Variants in AFAP1 observed in about 807,000 individuals in gnomAD.
AFAP1 encodes actin filament associated protein 1.
AFAP1 carries 75 observed loss-of-function variants against 93.9 expected under a neutral mutation model. That is an observed-to-expected ratio of 0.80 (90% CI 0.66 to 0.97). The LOEUF (loss-of-function observed/expected upper bound fraction) is 0.97. Ranked by LOEUF, AFAP1 falls within the 50% of genes least tolerant of loss-of-function variation. The probability of loss-of-function intolerance (pLI) is 0.00; values close to 1 mark genes in which losing one functional copy is unlikely to be tolerated. For missense variants in AFAP1, 1,201 were observed against 1,050.8 expected (o/e 1.14, Z -1.98); for synonymous variants, 517 against 430.7 (o/e 1.20, Z -2.48).
chr4:7,904,358 C>G (rs368814888), intron 1 of AFAP1, among the ~76,000 whole-genome samples: 1 of 152,144 alleles, frequency 6.6e-6, no homozygotes, highest in Non-Finnish European at 1.5e-5. Context: ...AAAATACTTT[C>G]TCCATCACAC....
intron 17 of AFAP1, among the ~76,000 whole-genome samples, chr4:7,766,829 G>A (rs987122938): frequency 1.3e-5 from 2 of 152,150 alleles, no homozygotes; most frequent in Non-Finnish European, 1.5e-5. Flanking sequence ...GTGGTTATGA[G>A]CCAGGAAGCC....
chr4:7,877,066 A>G (rs1414224789), intron 1 of AFAP1, among the ~76,000 whole-genome samples: 1 of 152,198 alleles, frequency 6.6e-6, no homozygotes, highest in African/African-American at 2.4e-5. Context: ...TAGCAGCTGT[A>G]CTGATGACTG....
chr4:7,826,446 C>G (rs548469179), intron 6 of AFAP1, among the ~76,000 whole-genome samples: 25 of 152,324 alleles, frequency 1.6e-4, no homozygotes, highest in African/African-American at 5.3e-4. Flanking sequence ...GGAGACAGAG[C>G]ACAGCACAGA....
intron 4 of AFAP1, among the ~76,000 whole-genome samples, chr4:7,848,977 G>A (rs1714122361): frequency 6.6e-6 from 1 of 152,186 alleles, no homozygotes; most frequent in Admixed American, 6.5e-5. Context: ...GCCAGCAACG[G>A]TGCCCTGAGA....
chr4:7,902,840 C>A (rs1719192521), intron 1 of AFAP1, among the ~76,000 whole-genome samples: 1 of 152,160 alleles, frequency 6.6e-6, no homozygotes, highest in South Asian at 2.1e-4. Flanking sequence ...TCAGCCTTTA[C>A]TTTTCTATCT....
intron 6 of AFAP1, among the ~76,000 whole-genome samples, chr4:7,834,969 C>A (rs1451550795): frequency 7.0e-6 from 1 of 142,022 alleles, no homozygotes; most frequent in South Asian, 2.5e-4. Context: ...CTTAAAGTTA[C>A]CTGGGTGGCT....
chr4:7,906,009 A>G (rs1234689566), intron 1 of AFAP1, among the ~76,000 whole-genome samples: 1 of 152,242 alleles, frequency 6.6e-6, no homozygotes, highest in Non-Finnish European at 1.5e-5. Flanking sequence ...ATGCCCATGC[A>G]TGTGGGAGGA....
At chr4:7,887,973 C>G (rs180786545) in intron 1 of AFAP1, among the ~76,000 whole-genome samples, 1 of 152,006 alleles carries the variant, frequency 6.6e-6, no homozygotes, top group Non-Finnish European at 1.5e-5. Context: ...ATTACAGGCA[C>G]GCGCCACCAC....
intron 8 of AFAP1, among the ~76,000 whole-genome samples, chr4:7,811,544 A>G (rs751143591): frequency 1.3e-5 from 2 of 151,680 alleles, no homozygotes; most frequent in Non-Finnish European, 2.9e-5. Context: ...ACAGCCAAAC[A>G]CGCTAGGGCG....
chr4:7,925,487 T>C (rs977257984), intron 1 of AFAP1, among the ~76,000 whole-genome samples: 20 of 151,270 alleles, frequency 1.3e-4, no homozygotes, highest in African/African-American at 4.6e-4. Flanking sequence ...CCGAGTCAGG[T>C]GGATTACCTG....
At chr4:7,925,368 T>C (rs1034722191) in intron 1 of AFAP1, among the ~76,000 whole-genome samples, 13 of 152,226 alleles carry the variant, frequency 8.5e-5, no homozygotes, top group African/African-American at 2.4e-4. Context: ...TCAAGGGCCT[T>C]GAAGTCAAAC....
At chr4:7,797,939 C>A (rs6836793) in intron 10 of AFAP1, among the ~76,000 whole-genome samples, 1 of 151,994 alleles carries the variant, frequency 6.6e-6, no homozygotes, top group East Asian at 1.9e-4. Flanking sequence ...AGCAAGCATG[C>A]GGAATGTTGG....
chr4:7,926,053 A>G (rs1368025156), intron 1 of AFAP1, among the ~76,000 whole-genome samples: 3 of 152,170 alleles, frequency 2.0e-5, no homozygotes, highest in Admixed American at 6.5e-5. Flanking sequence ...CCGAGGGAGA[A>G]GCGCAAAATG....
chr4:7,907,781 A>G (rs4696762), intron 1 of AFAP1, among the ~76,000 whole-genome samples: 134,138 of 152,224 alleles, frequency 0.88, 59,346 homozygotes, highest in African/African-American at 0.96. Context: ...CAAGCAGTTT[A>G]GATAAGGGAT....
rs762093029 is a variant in AFAP1 at position 7,793,779 on chromosome 4, T to G, written c.1314A>C (p.Ala438=). 76 of 1,568,140 alleles carry G rather than the reference T, an allele frequency of 4.8e-5. No homozygotes were observed. The highest frequency in any genetic ancestry group is 6.7e-5 in the African/African-American group (5 of 74,370). The change falls in exon 11 of 18, where the codon GCA becomes GCC. Residue 438 remains alanine, a synonymous_variant. Coordinates refer to ENST00000420658, the MANE Select transcript of AFAP1 (RefSeq NM_001134647.2). ...CCGGGTCTGTGGACGATCCCGTCTC[T>G]GCGAGTAAAATCCCAATCCACCTGC... The part of the protein sequence containing the change: ...DMGRWIGILL[A]ETGSSTDPEA...
At chr4:7,848,164 T>TGGGAGGGA (rs202157134) in intron 4 of AFAP1, among the ~76,000 whole-genome samples, 1 of 75,820 alleles carries the variant, frequency 1.3e-5, no homozygotes, top group South Asian at 6.2e-4. Context: ...GATGGGTAAG[T>TGGGAGGGA]GGGAGGGAGG....
At chr4:7,768,334 G>C (rs945296483) in intron 17 of AFAP1, among the ~76,000 whole-genome samples, 5 of 152,262 alleles carry the variant, frequency 3.3e-5, no homozygotes, top group South Asian at 2.1e-4. Flanking sequence ...CTAATCCCAT[G>C]AGAAGACCGG....
At position 7,760,319 on chromosome 4, in the gene AFAP1, C is replaced by G. The variant is rs983387672; in HGVS notation, c.*3446G>C. 20 of 152,354 alleles carry G rather than the reference C, an allele frequency of 1.3e-4. No individual in the cohort carries two copies. Among genetic ancestry groups the G allele is most frequent in the African/African-American group, 3.8e-4 (16 of 41,590 alleles). The allele number at this position is 152,354 out of a possible 1,614,324, so 9.4% of individuals were successfully genotyped here. ...CAGGGGAAGGTTAAGCCTGGCAACGCCAGGGCATAGGCACAGAGGGGCGAG... is the reference window on the plus strand; with the variant it reads ...CAGGGGAAGGTTAAGCCTGGCAACGGCAGGGCATAGGCACAGAGGGGCGAG... On this transcript the variant is annotated 3_prime_UTR_variant, in exon 18 of 18. Transcript: ENST00000420658.
intron 11 of AFAP1, among the ~76,000 whole-genome samples, chr4:7,791,355 T>C (rs1717841373): frequency 6.6e-6 from 1 of 152,174 alleles, no homozygotes; most frequent in African/African-American, 2.4e-5. Flanking sequence ...GGGTGAAAGA[T>C]GCTGGAGCTG....
Sources: gnomAD v4.1 joint callset for allele counts (sites outside exome capture counted in the v4.1 genomes callset) on GRCh38, gnomAD v4.1.1 for gene constraint, MANE v1.5 for transcripts, NCBI Gene and HGNC (gene_info 2026-07-23, HGNC 2026-07-21) for gene names.